EPHA8: variants seen among roughly 807,000 people sequenced by gnomAD.
The protein encoded by EPHA8 is ephrin type-A receptor 8.
In EPHA8, 58 loss-of-function variants were observed where a neutral mutation model predicts 103.6. The ratio of observed to expected loss-of-function variants is 0.56; its 90% CI spans 0.45 to 0.70. The LOEUF (loss-of-function observed/expected upper bound fraction) is 0.70, where lower values mean the gene tolerates loss of function less well. Ranked by LOEUF, EPHA8 falls within the 30% of genes least tolerant of loss-of-function variation. The probability of loss-of-function intolerance (pLI) is 0.00; values close to 1 mark genes in which losing one functional copy is unlikely to be tolerated. For synonymous variants in EPHA8, 559 were observed against 572.5 expected, an observed-to-expected ratio of 0.98 and a Z score of 0.34; for missense variants, 1,304 against 1,395.2, an observed-to-expected ratio of 0.93 and a Z score of 1.04.
rs1333485762 is a variant in EPHA8 at position 22,588,928 on chromosome 1, T to A, written c.1037T>A (p.Leu346Gln). ...AGTGTGAATGGGACATCAGTGACTC[T>A]GGAGTGGGCCCCTCCCCTGGACCCA... Reference protein sequence around the residue: ...ISSVNGTSVTLEWAPPLDPGG... With the variant: ...ISSVNGTSVTQEWAPPLDPGG... The change falls in exon 5 of 17, where the codon CTG becomes CAG. Residue 346 changes from leucine to glutamine, a missense_variant. By Grantham distance (113) the Leu-to-Gln change is moderately radical. Coordinates refer to ENST00000166244, the MANE Select transcript of EPHA8 (RefSeq NM_020526.5). 6.2e-7 allele frequency: 1 copy of A among 1,610,432 alleles called. No individual in the cohort carries two copies. Among genetic ancestry groups the A allele is most frequent in the Admixed American group, 1.7e-5 (1 of 60,008 alleles).
chr1:22,593,182 G>C, intron 5 of EPHA8, 144 bp from the exon 6 acceptor site: 1 of 1,275,796 alleles, frequency 7.8e-7, no homozygotes, highest in Non-Finnish European at 1.1e-6. Context: ...ACTGGAGGGT[G>C]CTGGCTGTCC....
chr1:22,590,564 G>A (rs145472393), intron 5 of EPHA8, among the ~76,000 whole-genome samples: 3 of 151,874 alleles, frequency 2.0e-5, no homozygotes, highest in Non-Finnish European at 2.9e-5. Context: ...TCTCTTGCTC[G>A]TGTGTCCCAG....
chr1:22,599,909 G>A, intron 13 of EPHA8, among the ~76,000 whole-genome samples: 1 of 51,432 alleles, frequency 1.9e-5, no homozygotes, highest in Non-Finnish European at 3.5e-5. Context: ...GGAAGGGAGG[G>A]AAGGAGAGAA....
chr1:22,582,938 C>G (rs1641086082), intron 3 of EPHA8, among the ~76,000 whole-genome samples: 1 of 152,272 alleles, frequency 6.6e-6, no homozygotes, highest in Non-Finnish European at 1.5e-5. Flanking sequence ...GGAGCAGGAA[C>G]AGTGAGCTCT....
intron 3 of EPHA8, among the ~76,000 whole-genome samples, chr1:22,582,986 T>A (rs544444002): frequency 1.9e-3 from 288 of 152,392 alleles, no homozygotes; most frequent in Middle Eastern, 3.4e-3. Flanking sequence ...TGATTTAGAA[T>A]TAATTTCCTT....
At position 22,593,469 on chromosome 1, in the gene EPHA8, A is replaced by G. The variant is rs778436054; in HGVS notation, c.1440+19A>G. On this transcript the variant is annotated intron_variant, in intron 6 of 16. Coordinates refer to ENST00000166244, the MANE Select transcript of EPHA8 (RefSeq NM_020526.5). ...CGAGAAGGTACCACGGGCAGGACGG[A>G]GTGGGAGGGGCTGGGCCAGCAGGGC... The G allele has an allele frequency of 9.3e-6, 15 of 1,609,902 alleles. No homozygotes were observed. In the East Asian group the frequency reaches 2.2e-4, roughly 24 times the overall value.
chr1:22,576,030 C>T lies in EPHA8; in HGVS notation c.160-187C>T, dbSNP rs11580191. ...TCATCTCAAGAGTTAGTAAATAACA[C>T]TTCCCCTGAAGATCGTGGCCCTCTT... is the stretch of plus-strand genomic sequence containing the variant. On this transcript the variant is annotated intron_variant, in intron 2 of 16. Transcript: ENST00000166244. This position sits in a 1 kb window ranked among gnomAD's most constrained non-coding sequence, Gnocchi z 4.8. Among the ~76,000 whole-genome samples, 8,392 of 151,820 alleles carry T rather than the reference C, an allele frequency of 0.055. 297 individuals carry two copies. The highest frequency in any genetic ancestry group is 0.08 in the Non-Finnish European group (5,427 of 67,900).
rs543009685 is a variant in EPHA8 at position 22,563,617 on chromosome 1, CGCCCG to C, written c.-5_-1del. The C allele has an allele frequency of 0.33, 45,835 of 140,874 alleles. 8,075 individuals are homozygous for C. Among genetic ancestry groups the C allele is most frequent in the African/African-American group, 0.54 (19,651 of 36,350 alleles). The allele number at this position is 140,874 out of a possible 1,614,324, so 8.7% of individuals were successfully genotyped here. On this transcript the variant is annotated 5_prime_UTR_variant, in exon 1 of 17. Transcript: ENST00000166244. The surrounding 1 kb of genome is among the most constrained non-coding windows in gnomAD (Gnocchi z 4.4). ...CCCGAGGGTGCGTGGCGCCCCCGCC[CGCCCG>C]GCCCGGCCCGGCCATGGCCCCCGCC...
chr1:22,577,680 C>G (rs1188920658), intron 3 of EPHA8, among the ~76,000 whole-genome samples: 1 of 152,088 alleles, frequency 6.6e-6, no homozygotes, highest in East Asian at 1.9e-4. Context: ...AGGGTGGCAG[C>G]TGTACCCATA....
chr1:22,601,287 C>A lies in EPHA8; in HGVS notation c.2730-13C>A. The A allele has an allele frequency of 1.3e-6, 2 of 1,590,408 alleles. No homozygotes were observed. Among genetic ancestry groups the A allele is most frequent in the South Asian group, 1.1e-5 (1 of 88,016 alleles). On this transcript the variant is annotated splice_polypyrimidine_tract_variant and intron_variant, in intron 15 of 16. Transcript: ENST00000166244. ...AACCCTCTGGCCACTTACCAAGAGC[C>A]CCTGTGCCTCAGGTGCCCACCCCCT... is the stretch of plus-strand genomic sequence containing the variant.
chr1:22,599,658 A>G (rs187028778), intron 13 of EPHA8, among the ~76,000 whole-genome samples: 1,328 of 30,044 alleles, frequency 0.044, 85 homozygotes, highest in African/African-American at 0.1. Flanking sequence ...AAGGAAGGAA[A>G]GGAGGGAGGG....
rs201160308 is a variant in EPHA8, at chr1:22,596,057, C to T, written c.1698-49C>T. 1,163 of 1,592,186 alleles carry T rather than the reference C, an allele frequency of 7.3e-4. 23 individuals carry two copies. In the South Asian group the frequency reaches 0.011, roughly 15 times the overall value. On this transcript the variant is annotated intron_variant, in intron 8 of 16. Coordinates refer to ENST00000166244, the MANE Select transcript of EPHA8 (RefSeq NM_020526.5). ...TCGTTCCCTGGTTGGGGTCAGGTCC[C>T]GGGCTAGGGGTGGCCTGGCCTCAGG...
rs370843084 is a variant in EPHA8 at position 22,576,535 on chromosome 1, G to A, written c.478G>A (p.Gly160Ser). Residue 160 changes from glycine to serine, a missense_variant, in exon 3 of 17, where the codon GGT becomes AGT. Gly to Ser is a moderately conservative substitution (Grantham distance 56, BLOSUM62 0). Coordinates refer to ENST00000166244, the MANE Select transcript of EPHA8 (RefSeq NM_020526.5). The surrounding 1 kb of genome is among the most constrained non-coding windows in gnomAD (Gnocchi z 4.8). Reference sequence around the variant, plus strand: ...CGAGAGCTTCACAGGTGCCGACCTTGGTGTGCGGCGTCTCAAGCTCAACAC... The same window carrying A: ...CGAGAGCTTCACAGGTGCCGACCTTAGTGTGCGGCGTCTCAAGCTCAACAC... ...ADESFTGADL[G>S]VRRLKLNTEV... The A allele has an allele frequency of 3.0e-5, 49 of 1,614,042 alleles. No homozygotes were observed. The highest frequency in any genetic ancestry group is 2.3e-4 in the Admixed American group (14 of 60,006).
Position 22,569,284 on chromosome 1 carries a change from T to C in EPHA8, c.95-5T>C, listed in dbSNP as rs1159493607. 2 of 1,613,154 alleles carry C rather than the reference T, an allele frequency of 1.2e-6. No individual in the cohort carries two copies. The highest frequency in any genetic ancestry group is 1.7e-5 in the Admixed American group (1 of 59,882). On this transcript the variant is annotated splice_region_variant and splice_polypyrimidine_tract_variant and intron_variant, in intron 1 of 16. Transcript: ENST00000166244. This position sits in a 1 kb window ranked among gnomAD's most constrained non-coding sequence, Gnocchi z 4.5. ...CCTGATGCCCTCTTGTCTCCTGTTT[T>C]ACAGTGAATTTGCTGGACACGTCGA...
At chr1:22,586,915 T>C (rs1028245301) in intron 4 of EPHA8, among the ~76,000 whole-genome samples, 1 of 152,240 alleles carries the variant, frequency 6.6e-6, no homozygotes, top group African/African-American at 2.4e-5. Context: ...GTTTTTGTCA[T>C]CTTCTGATCT....
chr1:22,579,119 G>A (rs1178043553), intron 3 of EPHA8, among the ~76,000 whole-genome samples: 9 of 125,694 alleles, frequency 7.2e-5, no homozygotes, highest in Admixed American at 7.5e-5. Context: ...GCATGTGTAC[G>A]TGTATGTGTG....
intron 3 of EPHA8, among the ~76,000 whole-genome samples, chr1:22,585,579 A>G (rs1466991073): frequency 3.3e-5 from 5 of 152,158 alleles, no homozygotes; most frequent in African/African-American, 1.2e-4. Flanking sequence ...ACAGCCCTCC[A>G]AGGCCCAAAC....
intron 13 of EPHA8, 54 bp from the exon 14 acceptor site, chr1:22,600,607 G>T: frequency 6.2e-7 from 1 of 1,601,410 alleles, no homozygotes; most frequent in Middle Eastern, 2.1e-4. Context: ...AGACGGCTCG[G>T]GGGACACCCT....
rs755260283 is a variant in EPHA8 at position 22,601,398 on chromosome 1, G to A, written c.2828G>A (p.Arg943His). The A allele has an allele frequency of 2.8e-5, 45 of 1,611,140 alleles. No homozygotes were observed. The highest frequency in any genetic ancestry group is 4.5e-5 in the East Asian group (2 of 44,872). The change falls in exon 16 of 17, where the codon CGC becomes CAC. Residue 943 changes from arginine (R) to histidine (H), a missense_variant. Physicochemically the swap from Arg to His is conservative, Grantham distance 29. Coordinates refer to ENST00000166244, the MANE Select transcript of EPHA8 (RefSeq NM_020526.5). ...GTGGGGGACTGGCTGGACTCCATCC[G>A]CATGGGCCGGTACCGAGACCACTTC... is the stretch of plus-strand genomic sequence containing the variant. ...LTVGDWLDSI[R>H]MGRYRDHFAA...
Sources: allele counts gnomAD v4.1 joint callset (sites outside exome capture counted in the v4.1 genomes callset), GRCh38; gene constraint gnomAD v4.1.1; non-coding constraint Gnocchi (gnomAD v3.1); transcripts MANE v1.5; gene names NCBI Gene and HGNC (gene_info 2026-07-23, HGNC 2026-07-21).